ITPKC: variants seen among roughly 807,000 people sequenced by gnomAD.
ITPKC encodes the protein IP3 3-kinase C.
A neutral mutation model predicts 67.1 loss-of-function variants in ITPKC; 33 were observed. That is an observed-to-expected ratio of 0.49 (90% CI 0.37 to 0.66). The LOEUF (loss-of-function observed/expected upper bound fraction) is 0.66, where lower values mean the gene tolerates loss of function less well. Among genes scored for constraint, ITPKC ranks in the 30% least tolerant of loss-of-function variants. The pLI is 0.00. For missense variants in ITPKC, 820 were observed against 892.1 expected (o/e 0.92, Z 1.03); for synonymous variants, 341 against 359.8 (o/e 0.95, Z 0.59).
chr19:40,739,238 T>A, intron 6 of ITPKC, 119 bp from the exon 7 acceptor site: 2 of 694,532 alleles, frequency 2.9e-6, no homozygotes, highest in Non-Finnish European at 2.4e-6. Context: ...AGCCAGGATA[T>A]GAATCAGGCA....
chr19:40,720,758 A>G (rs1013078517), intron 1 of ITPKC, among the ~76,000 whole-genome samples: 1 of 151,798 alleles, frequency 6.6e-6, no homozygotes, highest in Non-Finnish European at 1.5e-5. Flanking sequence ...TGTTCCTTGA[A>G]CACTCTTCTG....
At chr19:40,736,943 A>G in intron 4 of ITPKC, 43 bp from the exon 5 acceptor site, 2 of 1,363,000 alleles carry the variant, frequency 1.5e-6, no homozygotes, top group African/African-American at 1.4e-5. Context: ...GGGTGCGGGA[A>G]GGAAAAGCCC....
At chr19:40,721,431 C>T (rs140989296) in intron 1 of ITPKC, among the ~76,000 whole-genome samples, 2,960 of 150,728 alleles carry the variant, frequency 0.02, 38 homozygotes, top group Non-Finnish European at 0.029. Context: ...AGTGCAGTGG[C>T]GAGATCTCAG....
At chr19:40,725,513 G>GT in intron 2 of ITPKC, 74 bp downstream of exon 2, 1 of 1,028,310 alleles carries the variant, frequency 9.7e-7, no homozygotes, top group Non-Finnish European at 1.5e-6. Context: ...CTGTAGTTTA[G>GT]TTCCCCCACC....
intron 2 of ITPKC, among the ~76,000 whole-genome samples, chr19:40,727,355 A>G (rs529452678): frequency 8.6e-5 from 13 of 152,002 alleles, no homozygotes; most frequent in Non-Finnish European, 1.8e-4. Context: ...AATAAATAAA[A>G]TAAAATAAAA....
At chr19:40,733,722 C>A (rs2144751202) in intron 4 of ITPKC, among the ~76,000 whole-genome samples, 1 of 152,232 alleles carries the variant, frequency 6.6e-6, no homozygotes, top group Non-Finnish European at 1.5e-5. Flanking sequence ...TTCTCTTTTT[C>A]TTTCTTGCAT....
At chr19:40,735,665 C>T (rs987494261) in intron 4 of ITPKC, among the ~76,000 whole-genome samples, 3 of 152,144 alleles carry the variant, frequency 2.0e-5, no homozygotes, top group African/African-American at 7.2e-5. Context: ...TTATTCTTAT[C>T]TTCCTTTCTG....
In ITPKC at chr19:40,737,228, GC is replaced by G. The variant is rs961031747; in HGVS notation, c.1776+142del. 4 of 635,466 alleles carry G rather than the reference GC, an allele frequency of 6.3e-6. No individual in the cohort carries two copies. In the African/African-American group the frequency reaches 7.2e-5, roughly 11 times the overall value. 39.4% of individuals were successfully genotyped at this position (635,466 alleles called of 1,614,324 possible). A position where few individuals can be genotyped will look rare whatever the true frequency, so the allele number is the denominator to read the frequency against. ...TTGCTCAGTCTGAGGTCAGCTGGTG[GC>G]TTGGCAAGGCTGGCTGGTCCAGGGG... is the stretch of plus-strand genomic sequence containing the variant. On this transcript the variant is annotated intron_variant, in intron 5 of 6. Transcript: ENST00000263370.
At chr19:40,737,326 T>C (rs1270790024) in intron 5 of ITPKC, among the ~76,000 whole-genome samples, 1 of 152,212 alleles carries the variant, frequency 6.6e-6, no homozygotes, top group Non-Finnish European at 1.5e-5. Flanking sequence ...TGGCCTGGGC[T>C]TGCTCTCACA....
Position 40,737,610 on chromosome 19 carries a change from T to C in ITPKC, c.1777-88T>C. 3 of 1,170,022 alleles carry C rather than the reference T, an allele frequency of 2.6e-6. No homozygotes were observed. In the Admixed American group the frequency reaches 5.1e-5, roughly 20 times the overall value. 72.5% of individuals were successfully genotyped at this position (1,170,022 alleles called of 1,614,324 possible). On this transcript the variant is annotated intron_variant, in intron 5 of 6. Transcript: ENST00000263370. ...TCCTGGCTAGAGCCTGCCTGCTCCT[T>C]TGGGGGAATGGGGTGAGGTCAGAGC...
chr19:40,732,591 A>C (rs1455265045), intron 3 of ITPKC, among the ~76,000 whole-genome samples: 1 of 149,478 alleles, frequency 6.7e-6, no homozygotes, highest in Non-Finnish European at 1.5e-5. Flanking sequence ...GGAACCATAG[A>C]GGGAAACCAA....
chr19:40,720,282 G>A (rs923840886), intron 1 of ITPKC, among the ~76,000 whole-genome samples: 16 of 151,622 alleles, frequency 1.1e-4, no homozygotes, highest in South Asian at 2.1e-4. Flanking sequence ...CAGGAGAATC[G>A]CTTGAATGTG....
intron 3 of ITPKC, among the ~76,000 whole-genome samples, chr19:40,730,876 C>G (rs539307282): frequency 8.5e-5 from 13 of 152,182 alleles, no homozygotes; most frequent in Non-Finnish European, 1.8e-4. Flanking sequence ...CACCAAGCAA[C>G]GGACACCAGC....
At chr19:40,734,722 C>T (rs528036213) in intron 4 of ITPKC, among the ~76,000 whole-genome samples, 3 of 151,676 alleles carry the variant, frequency 2.0e-5, no homozygotes, top group Non-Finnish European at 2.9e-5. Flanking sequence ...GATTCTCCCA[C>T]CTCAGCTTCC....
intron 3 of ITPKC, among the ~76,000 whole-genome samples, chr19:40,730,997 A>G (rs2082268121): frequency 6.6e-6 from 1 of 151,184 alleles, no homozygotes; most frequent in South Asian, 2.1e-4. Flanking sequence ...CACCAGTCAT[A>G]AGTTCAGGCC....
At chr19:40,734,239 T>C (rs1342611785) in intron 4 of ITPKC, among the ~76,000 whole-genome samples, 1 of 152,194 alleles carries the variant, frequency 6.6e-6, no homozygotes, top group Non-Finnish European at 1.5e-5. Flanking sequence ...TGTAACACTG[T>C]TTTTGTGACT....
At chr19:40,725,918 A>G (rs961441445) in intron 2 of ITPKC, among the ~76,000 whole-genome samples, 2 of 151,980 alleles carry the variant, frequency 1.3e-5, no homozygotes, top group Non-Finnish European at 2.9e-5. Flanking sequence ...AACCTAGGCA[A>G]TATAGTGAGA....
At position 40,717,116 on chromosome 19, in the gene ITPKC, C is replaced by T; in HGVS notation, c.-20C>T. ...ATAGGAGGGGCCGGGTCGGCCGAAGCCCGAACCGAAGGAGCGGGCATGAGG... is the reference window on the plus strand; with the variant it reads ...ATAGGAGGGGCCGGGTCGGCCGAAGTCCGAACCGAAGGAGCGGGCATGAGG... On this transcript the variant is annotated 5_prime_UTR_variant, in exon 1 of 7. Coordinates refer to ENST00000263370, the MANE Select transcript of ITPKC (RefSeq NM_025194.3). 1.6e-6 allele frequency: 2 copies of T among 1,216,402 alleles called. No individual in the cohort carries two copies. The highest frequency in any genetic ancestry group is 2.0e-6 in the Non-Finnish European group (2 of 976,076). 75.4% of individuals were successfully genotyped at this position (1,216,402 alleles called of 1,614,324 possible).
intron 4 of ITPKC, 88 bp downstream of exon 4, chr19:40,733,452 G>A: frequency 1.6e-6 from 2 of 1,241,268 alleles, no homozygotes; most frequent in South Asian, 2.9e-5. Flanking sequence ...ACGAGAGAGT[G>A]CAGGAGACGG....
Sources: gnomAD v4.1 joint callset for allele counts (sites outside exome capture counted in the v4.1 genomes callset) on GRCh38, gnomAD v4.1.1 for gene constraint, MANE v1.5 for transcripts, NCBI Gene and HGNC (gene_info 2026-07-23, HGNC 2026-07-21) for gene names.